Variants in ESRRG observed in about 807,000 individuals in gnomAD.
ESRRG encodes estrogen-related receptor gamma.
A neutral mutation model predicts 44.0 loss-of-function variants in ESRRG; 13 were observed. The observed-to-expected ratio is 0.30, with a 90% CI of 0.19 to 0.47. The LOEUF is 0.47. ESRRG is among the 20% of genes least tolerant of loss of function. The pLI, the probability that ESRRG is intolerant of heterozygous loss-of-function variation, is 1.00. For missense variants in ESRRG, 395 were observed against 580.6 expected (o/e 0.68, Z 3.29); for synonymous variants, 215 against 214.6 (o/e 1.00, Z -0.02).
chr1:217,073,556 G>A (rs1221406080), intron 1 of ESRRG, among the ~76,000 whole-genome samples: 4 of 152,138 alleles, frequency 2.6e-5, no homozygotes, highest in African/African-American at 4.8e-5. Context: ...AAAGAAAAAC[G>A]GATTTTTCTG....
At chr1:217,090,852 A>T (rs780970238), upstream of ESRRG, among the ~76,000 whole-genome samples, 1 of 152,182 alleles carries the variant, frequency 6.6e-6, no homozygotes, top group Admixed American at 6.5e-5. Flanking sequence ...TATGCACTGT[A>T]TCTGTTATTT....
chr1:216,979,374 T>G (rs1162533543), intron 1 of ESRRG, among the ~76,000 whole-genome samples: 4 of 152,178 alleles, frequency 2.6e-5, no homozygotes. Context: ...CGTATGCATT[T>G]ATCTCTCTTC....
At chr1:216,579,951 AAACGTC>A (rs1220659566) in intron 3 of ESRRG, among the ~76,000 whole-genome samples, 1 of 152,208 alleles carries the variant, frequency 6.6e-6, no homozygotes, top group Non-Finnish European at 1.5e-5. Context: ...GCCTAACTGC[AAACGTC>A]AAGGTATTTC....
chr1:216,572,376 A>T (rs1227103336), intron 3 of ESRRG, among the ~76,000 whole-genome samples: 1 of 152,156 alleles, frequency 6.6e-6, no homozygotes, highest in African/African-American at 2.4e-5. Context: ...CAAAATATGT[A>T]TTCAAACATG....
At chr1:216,863,199 G>T (rs1281405976) in intron 2 of ESRRG, 1 of 152,082 alleles carries the variant, frequency 6.6e-6, no homozygotes, top group South Asian at 2.1e-4. Flanking sequence ...ATTTCTAACA[G>T]GCTCTCTGTG....
intron 2 of ESRRG, among the ~76,000 whole-genome samples, chr1:216,848,957 G>A (rs7547377): frequency 0.19 from 28,367 of 151,744 alleles, 3,257 homozygotes; most frequent in African/African-American, 0.32. Flanking sequence ...TCCTCCTGGC[G>A]TATTTTATGA....
At chr1:216,679,638 T>TC in intron 1 of ESRRG, among the ~76,000 whole-genome samples, 1 of 151,428 alleles carries the variant, frequency 6.6e-6, no homozygotes, top group African/African-American at 2.4e-5. Flanking sequence ...TTTTTCTTTT[T>TC]TTTTTTTTTA....
chr1:216,740,210 TAA>T (rs2090494356), intron 2 of ESRRG, among the ~76,000 whole-genome samples: 1 of 152,188 alleles, frequency 6.6e-6, no homozygotes, highest in African/African-American at 2.4e-5. Flanking sequence ...ATGAAAAGGC[TAA>T]ATCAGTTTAC....
intron 2 of ESRRG, among the ~76,000 whole-genome samples, chr1:216,801,830 A>G (rs2094631442): frequency 6.6e-6 from 1 of 152,102 alleles, no homozygotes. Flanking sequence ...CCAATTCTTG[A>G]TAATTAGGAG....
At chr1:217,070,133 G>A (rs931846749) in intron 1 of ESRRG, among the ~76,000 whole-genome samples, 1 of 152,116 alleles carries the variant, frequency 6.6e-6, no homozygotes, top group African/African-American at 2.4e-5. Context: ...TGCAGAGAAT[G>A]ACTCTCATTT....
intron 1 of ESRRG, among the ~76,000 whole-genome samples, chr1:217,058,724 T>C (rs2087689199): frequency 6.6e-6 from 1 of 151,944 alleles, no homozygotes; most frequent in Admixed American, 6.6e-5. Context: ...TATTAGAATA[T>C]TATTATTCTA....
chr1:216,725,636 A>C (rs1464016165), upstream of ESRRG, among the ~76,000 whole-genome samples: 2 of 152,172 alleles, frequency 1.3e-5, no homozygotes, highest in African/African-American at 4.8e-5. Flanking sequence ...ATTTCTGAAT[A>C]AACTAAAATT....
chr1:216,961,031 G>A (rs1217870801), intron 1 of ESRRG, among the ~76,000 whole-genome samples: 3 of 152,098 alleles, frequency 2.0e-5, no homozygotes, highest in Non-Finnish European at 4.4e-5. Flanking sequence ...ATATTACAAA[G>A]CTACTGTAAG....
At chr1:216,959,258 T>C (rs1040550796) in intron 1 of ESRRG, among the ~76,000 whole-genome samples, 1 of 152,108 alleles carries the variant, frequency 6.6e-6, no homozygotes. Context: ...GAGAGGAATA[T>C]ATATTTGAAC....
intron 2 of ESRRG, among the ~76,000 whole-genome samples, chr1:216,789,999 C>T (rs1447477723): frequency 1.3e-5 from 2 of 152,168 alleles, no homozygotes; most frequent in African/African-American, 4.8e-5. Context: ...GCAATTTCCA[C>T]TTCACTTACT....
At position 216,879,852 on chromosome 1, in the gene ESRRG, C is replaced by T. The variant is rs187477256; in HGVS notation, c.-14+59730G>A. ...TGTAGCTACACCATATTTAAACTGG[C>T]AAAATATCTTGGTGGCACCAATGAA... On this transcript the variant is annotated intron_variant, in intron 2 of 7. Transcript: ENST00000359162. 4.6e-5 allele frequency among the ~76,000 whole-genome samples: 7 copies of T among 152,218 alleles called. No individual in the cohort carries two copies. In the East Asian group the frequency reaches 1.4e-3, roughly 29 times the overall value.
intron 1 of ESRRG, among the ~76,000 whole-genome samples, chr1:216,940,046 A>G (rs1254097383): frequency 6.6e-6 from 1 of 152,136 alleles, no homozygotes; most frequent in Non-Finnish European, 1.5e-5. Context: ...AAAAAAAAAA[A>G]TTCTTCCAAG....
chr1:216,818,280 A>C (rs2095203347), intron 2 of ESRRG, among the ~76,000 whole-genome samples: 1 of 152,216 alleles, frequency 6.6e-6, no homozygotes, highest in South Asian at 2.1e-4. Context: ...ATAATATTGC[A>C]TTTAAATACT....
rs527744887 is a variant in ESRRG at position 216,635,003 on chromosome 1, T to A, written c.589+15970A>T. 2.0e-5 allele frequency among the ~76,000 whole-genome samples: 3 copies of A among 152,234 alleles called. No individual in the cohort carries two copies. In the East Asian group the frequency reaches 5.8e-4, roughly 29 times the overall value. On this transcript the variant is annotated intron_variant, in intron 3 of 6. Transcript: ENST00000408911. ...CCTCCCTCCTTTTTTCTTTGCTCTCTCTCTCTCTACTCTCTCTCTCTCCAC... is the reference window on the plus strand; with the variant it reads ...CCTCCCTCCTTTTTTCTTTGCTCTCACTCTCTCTACTCTCTCTCTCTCCAC...
Sources: allele counts gnomAD v4.1 joint callset (sites outside exome capture counted in the v4.1 genomes callset), GRCh38; gene constraint gnomAD v4.1.1; transcripts MANE v1.5; gene names NCBI Gene and HGNC (gene_info 2026-07-23, HGNC 2026-07-21).